Variants in WBP11 observed in about 807,000 individuals in gnomAD.
WBP11 encodes the protein WW domain binding protein 11.
WBP11 carries 12 observed loss-of-function variants against 66.7 expected under a neutral mutation model. The observed-to-expected ratio is 0.18, with a 90% CI of 0.12 to 0.29. The LOEUF is 0.29. WBP11 is among the 10% of genes least tolerant of loss of function. WBP11 has a pLI of 1.00. For synonymous variants in WBP11, 255 were observed against 273.8 expected (o/e 0.93, Z 0.68); for missense variants, 555 against 818.3 (o/e 0.68, Z 3.93).
intron 2 of WBP11, chr12:14,801,080 A>G (rs1949956769): frequency 4.3e-6 from 2 of 465,668 alleles, no homozygotes; most frequent in African/African-American, 2.0e-5. Flanking sequence ...AATTTCCAAT[A>G]TAAAAAGAAA....
rs1037233766 is a variant in WBP11 at position 14,801,514 on chromosome 12, A to T, written c.-45-86T>A. 5 of 817,450 alleles carry T rather than the reference A, an allele frequency of 6.1e-6. No individual in the cohort carries two copies. In the Admixed American group the frequency reaches 7.9e-5, roughly 13 times the overall value. 50.6% of individuals were successfully genotyped at this position (817,450 alleles called of 1,614,324 possible). ...AGTCCCTACCAATCTCTGAAAAAAA[A>T]TTCCTTTAATTAGAAATTCTGTGAG... On this transcript the variant is annotated intron_variant, in intron 1 of 11. Transcript: ENST00000261167.
At chr12:14,791,383 G>A in intron 8 of WBP11, 113 bp from the exon 9 acceptor site, 1 of 730,862 alleles carries the variant, frequency 1.4e-6, no homozygotes, top group Non-Finnish European at 2.3e-6. Flanking sequence ...ACTTGGCAGA[G>A]GTGCAGGATG....
chr12:14,791,509 G>A (rs894055860), intron 8 of WBP11, among the ~76,000 whole-genome samples: 2 of 152,136 alleles, frequency 1.3e-5, no homozygotes, highest in Non-Finnish European at 2.9e-5. Flanking sequence ...TTAAATGGTA[G>A]TTGAAGATCT....
At chr12:14,788,170 C>A (rs765521375) in intron 11 of WBP11, among the ~76,000 whole-genome samples, 15 of 152,054 alleles carry the variant, frequency 9.9e-5, no homozygotes, top group Non-Finnish European at 2.2e-4. Context: ...ACCCAGGAGG[C>A]GGAGGTTGCA....
intron 8 of WBP11, among the ~76,000 whole-genome samples, chr12:14,792,158 A>AAAATAC (rs1353269689): frequency 2.0e-5 from 3 of 152,210 alleles, no homozygotes; most frequent in Non-Finnish European, 4.4e-5. Context: ...AAAAGGAAAA[A>AAAATAC]AAATACAAGC....
intron 10 of WBP11, among the ~76,000 whole-genome samples, chr12:14,789,999 C>G (rs1263263535): frequency 6.6e-6 from 1 of 152,194 alleles, no homozygotes; most frequent in Non-Finnish European, 1.5e-5. Flanking sequence ...ACTTAATAAA[C>G]AGACTAATCA....
Position 14,795,065 on chromosome 12 carries a change from C to T in WBP11, c.427G>A (p.Asp143Asn), listed in dbSNP as rs1949875256. 1 of 1,613,158 alleles carries T rather than the reference C, an allele frequency of 6.2e-7. No homozygotes were observed. The highest frequency in any genetic ancestry group is 8.5e-7 in the Non-Finnish European group (1 of 1,179,854). Residue 143 changes from aspartate to asparagine, a missense_variant, in exon 6 of 12, where the codon GAT becomes AAT. Asp to Asn is a conservative substitution (Grantham distance 23). Coordinates refer to ENST00000261167, the MANE Select transcript of WBP11 (RefSeq NM_016312.3). ...HVEVESIPLP[D>N]MPHAPSNILI... ...ATGTTGGAAGGAGCATGTGGCATAT[C>T]TGGCAAAGGAATACTCTCCACTTCC... is the stretch of plus-strand genomic sequence containing the variant.
rs539536312 is a variant in WBP11, at chr12:14,787,264, G to A, written c.1727C>T (p.Thr576Ile). Residue 576 changes from threonine (T) to isoleucine (I), a missense_variant, in exon 12 of 12, where the codon ACT becomes ATT. Transcript: ENST00000261167. ...TCTCAGTGCAGTGGGCACAAATCGA[G>A]TAATCTCTGCCTTGGGATTAGTGAT... is the stretch of plus-strand genomic sequence containing the variant. ...PQITNPKAEI[T>I]RFVPTALRVR... 1 of 1,614,194 alleles carries A rather than the reference G, an allele frequency of 6.2e-7. No individual in the cohort carries two copies. The highest frequency in any genetic ancestry group is 2.2e-5 in the East Asian group (1 of 44,874).
Position 14,787,006 on chromosome 12 carries a change from A to G in WBP11, c.*59T>C. 2.7e-6 allele frequency: 4 copies of G among 1,467,350 alleles called. No individual in the cohort carries two copies. In the East Asian group the frequency reaches 9.3e-5, roughly 34 times the overall value. 90.9% of individuals were successfully genotyped at this position (1,467,350 alleles called of 1,614,324 possible). On this transcript the variant is annotated 3_prime_UTR_variant, in exon 12 of 12. Transcript: ENST00000261167. ...AGCTCTTTCATCTAAGTTTAATAAGAGCCTCTTTCTCCATGGGCCACTGTT... is the reference window on the plus strand; with the variant it reads ...AGCTCTTTCATCTAAGTTTAATAAGGGCCTCTTTCTCCATGGGCCACTGTT...
rs1007606023 is a variant in WBP11 at position 14,784,862 on chromosome 12, T to C, written c.*2203A>G. 2 of 152,250 alleles carry C rather than the reference T, an allele frequency of 1.3e-5. No individual in the cohort carries two copies. The highest frequency in any genetic ancestry group is 4.8e-5 in the African/African-American group (2 of 41,466). The allele number at this position is 152,250 out of a possible 1,614,324, so 9.4% of individuals were successfully genotyped here. A position where few individuals can be genotyped will look rare whatever the true frequency, so the allele number is the denominator to read the frequency against. On this transcript the variant is annotated 3_prime_UTR_variant, in exon 12 of 12. Coordinates refer to ENST00000261167, the MANE Select transcript of WBP11 (RefSeq NM_016312.3). Reference sequence around the variant, plus strand: ...TTTCATGAAAATATTATGTAAATTATGATCATAACAAGTGTACCCAGAATC... The same window carrying C: ...TTTCATGAAAATATTATGTAAATTACGATCATAACAAGTGTACCCAGAATC...
At position 14,792,812 on chromosome 12, in the gene WBP11, G is replaced by T. The variant is rs905645401; in HGVS notation, c.913+919C>A. On this transcript the variant is annotated intron_variant, in intron 8 of 11. Coordinates refer to ENST00000261167, the MANE Select transcript of WBP11 (RefSeq NM_016312.3). ...TGTGCCATTGCACTCCAACCTGGGC[G>T]ACAAGAGTGAGATTGTCTCAAAAAA... Among the ~76,000 whole-genome samples the T allele has an allele frequency of 4.1e-5, 6 of 146,800 alleles. No homozygotes were observed. In the East Asian group the frequency reaches 1.2e-3, roughly 29 times the overall value.
At chr12:14,787,802 C>A in intron 11 of WBP11, among the ~76,000 whole-genome samples, 1 of 152,152 alleles carries the variant, frequency 6.6e-6, no homozygotes, top group East Asian at 1.9e-4. Flanking sequence ...TCTCACATCC[C>A]AAGGTTCTAT....
rs534434105 is a variant in WBP11, at chr12:14,785,474, A to G, written c.*1591T>C. The G allele has an allele frequency of 2.0e-5, 3 of 152,336 alleles. No homozygotes were observed. The highest frequency in any genetic ancestry group is 2.0e-4 in the Admixed American group (3 of 15,298). The allele number at this position is 152,336 out of a possible 1,614,324, so 9.4% of individuals were successfully genotyped here. A position where few individuals can be genotyped will look rare whatever the true frequency, so the allele number is the denominator to read the frequency against. On this transcript the variant is annotated 3_prime_UTR_variant, in exon 12 of 12. Transcript: ENST00000261167. ...TGATAACATAAGGTTCAATCCTTAC[A>G]TCTGAACAGACTCAATTCACCTGTG...
At chr12:14,792,575 G>A (rs1335986509) in intron 8 of WBP11, among the ~76,000 whole-genome samples, 1 of 152,052 alleles carries the variant, frequency 6.6e-6, no homozygotes, top group African/African-American at 2.4e-5. Context: ...GCTCATGCCT[G>A]TATTCCCAGC....
chr12:14,791,104 C>T lies in WBP11; in HGVS notation c.1015+65G>A, dbSNP rs939893294. 4.5e-5 allele frequency: 66 copies of T among 1,472,976 alleles called. No homozygotes were observed. In the African/African-American group the frequency reaches 8.0e-4, roughly 18 times the overall value. 91.2% of individuals were successfully genotyped at this position (1,472,976 alleles called of 1,614,324 possible). On this transcript the variant is annotated intron_variant, in intron 9 of 11. Coordinates refer to ENST00000261167, the MANE Select transcript of WBP11 (RefSeq NM_016312.3). The stretch of plus-strand genomic sequence containing the variant: ...GTTGCTGAGATACTAAATGGAAAAA[C>T]GTATGTAAAGTAATTAGCGTGAGGA...
chr12:14,799,288 G>A (rs1364730307), intron 4 of WBP11, among the ~76,000 whole-genome samples: 1 of 152,096 alleles, frequency 6.6e-6, no homozygotes, highest in African/African-American at 2.4e-5. Context: ...TTACATGGTA[G>A]TTGCCAACAT....
intron 8 of WBP11, 107 bp downstream of exon 8, chr12:14,793,624 G>A (rs960386772): frequency 4.5e-6 from 6 of 1,339,004 alleles, no homozygotes; most frequent in Non-Finnish European, 6.1e-6. Context: ...CTATGATCCC[G>A]ACTTCCAAAG....
intron 8 of WBP11, among the ~76,000 whole-genome samples, chr12:14,792,609 G>T (rs1949833381): frequency 1.3e-5 from 2 of 152,230 alleles, no homozygotes; most frequent in South Asian, 4.1e-4. Context: ...GAGGGGGGCA[G>T]ATCACCTGTG....
chr12:14,796,741 T>C lies in WBP11; in HGVS notation c.387+66A>G. ...CAAAACACTTCTGGTCCCAAGCACT[T>C]TGCATAAGGGATACTCAATCTGTAT... On this transcript the variant is annotated intron_variant, in intron 5 of 11. Transcript: ENST00000261167. This position sits in a 1 kb window ranked among gnomAD's most constrained non-coding sequence, Gnocchi z 4.5. 6.9e-7 allele frequency: 1 copy of C among 1,448,100 alleles called. No homozygotes were observed. Among genetic ancestry groups the C allele is most frequent in the South Asian group, 1.4e-5 (1 of 72,340 alleles). 89.7% of individuals were successfully genotyped at this position (1,448,100 alleles called of 1,614,324 possible). A position where few individuals can be genotyped will look rare whatever the true frequency, so the allele number is the denominator to read the frequency against.
Sources: allele counts gnomAD v4.1 joint callset (sites outside exome capture counted in the v4.1 genomes callset), GRCh38; gene constraint gnomAD v4.1.1; non-coding constraint Gnocchi (gnomAD v3.1); transcripts MANE v1.5; gene names NCBI Gene and HGNC (gene_info 2026-07-23, HGNC 2026-07-21).